The following SLC36A2 variants were observed in gnomAD, a reference collection of about 807,000 sequenced individuals.
SLC36A2 encodes the protein proton-coupled amino acid transporter 2.
A neutral mutation model predicts 42.7 loss-of-function variants in SLC36A2; 39 were observed. The observed-to-expected ratio is 0.91, with a 90% CI of 0.71 to 1.19. SLC36A2 has a LOEUF of 1.19. Among genes scored for constraint, SLC36A2 ranks in the 50% most tolerant of loss-of-function variants. The pLI, the probability that SLC36A2 is intolerant of heterozygous loss-of-function variation, is 0.00. For missense variants in SLC36A2, 590 were observed against 613.7 expected, an observed-to-expected ratio of 0.96 and a Z score of 0.41; for synonymous variants, 237 against 240.8, an observed-to-expected ratio of 0.98 and a Z score of 0.15.
chr5:151,340,627 A>G (rs1756317475), intron 4 of SLC36A2, among the ~76,000 whole-genome samples: 1 of 152,224 alleles, frequency 6.6e-6, no homozygotes, highest in Non-Finnish European at 1.5e-5. Context: ...GTTTAATAGT[A>G]GCCAAGTGAG....
chr5:151,342,257 G>A (rs1304182535), intron 4 of SLC36A2, among the ~76,000 whole-genome samples: 2 of 152,082 alleles, frequency 1.3e-5, no homozygotes, highest in African/African-American at 4.8e-5. Flanking sequence ...CAAGCTACCT[G>A]GTCTTGTTGT....
At chr5:151,345,304 G>T (rs1024649186) in intron 1 of SLC36A2, among the ~76,000 whole-genome samples, 1 of 152,168 alleles carries the variant, frequency 6.6e-6, no homozygotes, top group Non-Finnish European at 1.5e-5. Flanking sequence ...AAGGAGCCCG[G>T]TCTCTGGGAT....
chr5:151,320,569 G>A (rs1358339222), intron 9 of SLC36A2, among the ~76,000 whole-genome samples: 1 of 152,156 alleles, frequency 6.6e-6, no homozygotes, highest in East Asian at 1.9e-4. Context: ...GGAATCTCTA[G>A]CCATCTCCTT....
chr5:151,326,798 T>G (rs556651721), intron 7 of SLC36A2, among the ~76,000 whole-genome samples: 2 of 147,876 alleles, frequency 1.4e-5, no homozygotes, highest in East Asian at 4.1e-4. Context: ...GAAAACGGGC[T>G]CAAATGAATT....
At chr5:151,319,291 T>C in intron 9 of SLC36A2, 1 of 183,384 alleles carries the variant, frequency 5.5e-6, no homozygotes. Context: ...CCTTGATCTG[T>C]CTGGAATATG....
intron 5 of SLC36A2, among the ~76,000 whole-genome samples, chr5:151,336,674 A>G (rs901119345): frequency 2.6e-5 from 4 of 151,886 alleles, no homozygotes; most frequent in Non-Finnish European, 4.4e-5. Flanking sequence ...TCATTGTGAT[A>G]AACAAGAAAC....
chr5:151,344,090 C>T, intron 2 of SLC36A2, 87 bp downstream of exon 2: 1 of 1,242,076 alleles, frequency 8.1e-7, no homozygotes, highest in Middle Eastern at 2.4e-4. Flanking sequence ...AGACTGCTCA[C>T]CACAGGTTGC....
chr5:151,333,080 GC>G, intron 7 of SLC36A2, 143 bp downstream of exon 7: 1 of 739,588 alleles, frequency 1.4e-6, no homozygotes, highest in East Asian at 2.7e-5. Context: ...CCCAAGTAAG[GC>G]CAGAGGTTAC....
chr5:151,324,721 A>T (rs1357665438), intron 8 of SLC36A2, among the ~76,000 whole-genome samples: 1 of 152,046 alleles, frequency 6.6e-6, no homozygotes, highest in Non-Finnish European at 1.5e-5. Flanking sequence ...CTGTAACCTC[A>T]AACTCCTGGG....
At chr5:151,332,532 T>A (rs1756027662) in intron 7 of SLC36A2, 2 of 433,044 alleles carry the variant, frequency 4.6e-6, no homozygotes, top group Non-Finnish European at 9.2e-6. Context: ...CGCTCTGCAA[T>A]AGAAAGCAAG....
chr5:151,345,613 C>G (rs1359645084), intron 1 of SLC36A2, among the ~76,000 whole-genome samples: 1 of 152,100 alleles, frequency 6.6e-6, no homozygotes, highest in Admixed American at 6.5e-5. Context: ...CATCGCTGAC[C>G]GAGCACTACA....
intron 4 of SLC36A2, among the ~76,000 whole-genome samples, chr5:151,340,058 G>C (rs13355459): frequency 0.2 from 30,012 of 151,108 alleles, 7,703 homozygotes; most frequent in African/African-American, 0.6. Context: ...GAGGGACAAA[G>C]AGAGAGAGAA....
intron 7 of SLC36A2, 61 bp from the exon 8 acceptor site, chr5:151,325,513 A>G: frequency 6.4e-7 from 1 of 1,559,190 alleles, no homozygotes. Flanking sequence ...GAAAAATGGC[A>G]TTCCACTTCT....
intron 7 of SLC36A2, 24 bp downstream of exon 7, chr5:151,333,200 A>G: frequency 2.5e-6 from 4 of 1,597,460 alleles, no homozygotes; most frequent in Non-Finnish European, 3.4e-6. Context: ...ACTAGGGATA[A>G]GGCCACCTCA....
chr5:151,332,814 A>G (rs1756035815), intron 7 of SLC36A2, among the ~76,000 whole-genome samples: 1 of 152,246 alleles, frequency 6.6e-6, no homozygotes, highest in Non-Finnish European at 1.5e-5. Context: ...TTAAAAATAT[A>G]TAAACAACAC....
At chr5:151,340,860 C>T (rs1387986134) in intron 4 of SLC36A2, among the ~76,000 whole-genome samples, 2 of 152,096 alleles carry the variant, frequency 1.3e-5, no homozygotes, top group African/African-American at 2.4e-5. Context: ...CCCATTTGCT[C>T]GTTGCAGTAG....
At chr5:151,342,861 A>G in intron 4 of SLC36A2, 27 bp downstream of exon 4, 1 of 1,595,846 alleles carries the variant, frequency 6.3e-7, no homozygotes, top group Non-Finnish European at 8.6e-7. Context: ...GTCCTACCCC[A>G]CTGCAGGCAA....
chr5:151,331,967 A>G (rs1580853161), intron 7 of SLC36A2, among the ~76,000 whole-genome samples: 1 of 151,996 alleles, frequency 6.6e-6, no homozygotes, highest in East Asian at 1.9e-4. Context: ...CCTGGGTTCA[A>G]GTGATTCTCC....
intron 8 of SLC36A2, among the ~76,000 whole-genome samples, chr5:151,324,405 TCA>T (rs953593387): frequency 6.6e-6 from 1 of 152,096 alleles, no homozygotes; most frequent in African/African-American, 2.4e-5. Flanking sequence ...CCATCTTGGC[TCA>T]CTGAAACCTC....
Sources: gnomAD v4.1 joint callset for allele counts (sites outside exome capture counted in the v4.1 genomes callset) on GRCh38, gnomAD v4.1.1 for gene constraint, MANE v1.5 for transcripts, NCBI Gene and HGNC (gene_info 2026-07-23, HGNC 2026-07-21) for gene names.